Variants in OR51B5 observed in about 807,000 individuals in gnomAD.
OR51B5 encodes the protein olfactory receptor family 51 subfamily B member 5, also known as olfactory receptor 51B5.
For missense variants in OR51B5, 456 were observed against 374.6 expected, an observed-to-expected ratio of 1.22 and a Z score of -1.79; for synonymous variants, 186 against 144.8, an observed-to-expected ratio of 1.28 and a Z score of -2.04.
At chr11:5,403,411 C>T (rs767045003) in intron 1 of OR51B5, 1 of 471,392 alleles carries the variant, frequency 2.1e-6, no homozygotes, top group South Asian at 1.5e-5. Context: ...CGTGTGTCCC[C>T]TCTGCTGCAA....
intron 1 of OR51B5, among the ~76,000 whole-genome samples, chr11:5,462,269 C>A (rs1295728950): frequency 1.3e-5 from 2 of 152,008 alleles, no homozygotes. Flanking sequence ...TGGGCAAGAC[C>A]AACAGAAGGG....
At chr11:5,445,355 G>A (rs1052232847) in intron 1 of OR51B5, among the ~76,000 whole-genome samples, 1 of 152,054 alleles carries the variant, frequency 6.6e-6, no homozygotes, top group African/African-American at 2.4e-5. Context: ...TTCATATGTG[G>A]AATTTAAGTG....
intron 1 of OR51B5, among the ~76,000 whole-genome samples, chr11:5,363,421 T>C (rs2133700130): frequency 6.7e-6 from 1 of 149,756 alleles, no homozygotes; most frequent in Admixed American, 6.7e-5. Context: ...TAATTGTTCC[T>C]TTAAGCCCTT....
At chr11:5,471,573 T>C (rs1004196140) in intron 1 of OR51B5, among the ~76,000 whole-genome samples, 2 of 151,212 alleles carry the variant, frequency 1.3e-5, no homozygotes, top group African/African-American at 2.4e-5. Flanking sequence ...GAAGTGGAGG[T>C]TGCAGTGAGC....
chr11:5,375,126 G>T lies in OR51B5; in HGVS notation n.85-28216C>A, dbSNP rs890488246. Among the ~76,000 whole-genome samples, 4 of 148,862 alleles carry T rather than the reference G, an allele frequency of 2.7e-5. No individual in the cohort carries two copies. In the Admixed American group the frequency reaches 2.7e-4, roughly 10 times the overall value. Reference sequence around the variant, plus strand: ...CAAAGGGAAGCCCATCAGACTAACAGCAGCTCTCTTGGCAGAAACTCTACA... The same window carrying T: ...CAAAGGGAAGCCCATCAGACTAACATCAGCTCTCTTGGCAGAAACTCTACA... On this transcript the variant is annotated intron_variant and non_coding_transcript_variant, in intron 1 of 4. Transcript: ENST00000415970.
chr11:5,452,549 C>T (rs10838131), intron 1 of OR51B5, among the ~76,000 whole-genome samples: 1 of 113,128 alleles, frequency 8.8e-6, no homozygotes, highest in African/African-American at 3.3e-5. Flanking sequence ...AAAAAATCAA[C>T]AGGGACTGTT....
intron 1 of OR51B5, among the ~76,000 whole-genome samples, chr11:5,437,796 G>C (rs1055310458): frequency 4.6e-5 from 7 of 152,076 alleles, no homozygotes; most frequent in African/African-American, 1.7e-4. Flanking sequence ...CCCAACACCT[G>C]AACTTCCCAT....
intron 1 of OR51B5, among the ~76,000 whole-genome samples, chr11:5,360,540 G>T (rs1156767873): frequency 1.3e-5 from 2 of 151,890 alleles, no homozygotes; most frequent in African/African-American, 2.4e-5. Context: ...TACACTGTTG[G>T]TGAGACTGTA....
chr11:5,462,542 T>C (rs907937500), intron 1 of OR51B5, among the ~76,000 whole-genome samples: 6 of 152,348 alleles, frequency 3.9e-5, no homozygotes, highest in Admixed American at 6.5e-5. Context: ...CTTGTGGTTA[T>C]AGTTCAGTTG....
At chr11:5,406,851 A>C (rs1238432998) in intron 1 of OR51B5, among the ~76,000 whole-genome samples, 1 of 152,122 alleles carries the variant, frequency 6.6e-6, no homozygotes, top group Non-Finnish European at 1.5e-5. Flanking sequence ...GTAATAGATG[A>C]GTAAATAAGA....
At chr11:5,456,143 C>T (rs1850955408) in intron 1 of OR51B5, 1 of 152,152 alleles carries the variant, frequency 6.6e-6, no homozygotes, top group Non-Finnish European at 1.5e-5. Context: ...CTCACTGATT[C>T]CTACCTCAGA....
intron 1 of OR51B5, among the ~76,000 whole-genome samples, chr11:5,358,959 A>C (rs1045472307): frequency 1.3e-5 from 2 of 151,394 alleles, no homozygotes; most frequent in South Asian, 2.1e-4. Flanking sequence ...CATGCTAAAA[A>C]CTCTCAATAA....
chr11:5,470,971 T>C (rs1224417297), intron 1 of OR51B5, among the ~76,000 whole-genome samples: 3 of 152,228 alleles, frequency 2.0e-5, no homozygotes, highest in African/African-American at 7.2e-5. Flanking sequence ...ATGGCTTCAC[T>C]TACCTTATGA....
At chr11:5,403,494 G>A (rs1418028639) in intron 1 of OR51B5, 3 of 471,646 alleles carry the variant, frequency 6.4e-6, no homozygotes, top group African/African-American at 4.0e-5. Flanking sequence ...TAAGACCAAG[G>A]AGATCCATGG....
rs188614819 is a variant in OR51B5 at position 5,422,085 on chromosome 11, A to G, written n.85-75175T>C. 343 of 846,942 alleles carry G rather than the reference A, an allele frequency of 4.0e-4. No homozygotes were observed. In the African/African-American group the frequency reaches 5.4e-3, roughly 13 times the overall value. 52.5% of individuals were successfully genotyped at this position (846,942 alleles called of 1,614,324 possible). ...AATCTTGCTTTAGTTACCCTCAACA[A>G]CTCTGAACATTTATTTGTGTAGAAT... On this transcript the variant is annotated intron_variant and non_coding_transcript_variant, in intron 1 of 4. Transcript: ENST00000415970.
Position 5,376,300 on chromosome 11 carries a change from C to T in OR51B5, n.85-29390G>A, listed in dbSNP as rs1318235930. On this transcript the variant is annotated intron_variant and non_coding_transcript_variant, in intron 1 of 4. Transcript: ENST00000415970. The stretch of plus-strand genomic sequence containing the variant: ...ACACAACATACCAGAATCTCTGGGA[C>T]ACATTCGAATCAGTGTGTAGGGGGA... Among the ~76,000 whole-genome samples the T allele has an allele frequency of 2.0e-5, 3 of 152,100 alleles. No homozygotes were observed. In the East Asian group the frequency reaches 5.8e-4, roughly 29 times the overall value.
At chr11:5,461,952 T>C (rs1178804036) in intron 1 of OR51B5, among the ~76,000 whole-genome samples, 1 of 152,202 alleles carries the variant, frequency 6.6e-6, no homozygotes, top group Admixed American at 6.5e-5. Flanking sequence ...GGTCTCTTCA[T>C]GGGAGAAGCT....
intron 1 of OR51B5, among the ~76,000 whole-genome samples, chr11:5,385,999 G>A (rs1465379996): frequency 6.6e-6 from 1 of 151,046 alleles, no homozygotes; most frequent in Non-Finnish European, 1.5e-5. Flanking sequence ...ATGTGTGTGT[G>A]TATTTACACC....
intron 1 of OR51B5, among the ~76,000 whole-genome samples, chr11:5,414,068 A>G (rs7396978): frequency 0.82 from 123,604 of 150,538 alleles, 51,603 homozygotes; most frequent in Non-Finnish European, 0.89. Context: ...AAGCCCATCA[A>G]ACTAACAGCA....
Sources: gnomAD v4.1 joint callset for allele counts (sites outside exome capture counted in the v4.1 genomes callset) on GRCh38, gnomAD v4.1.1 for gene constraint, MANE v1.5 for transcripts, NCBI Gene and HGNC (gene_info 2026-07-23, HGNC 2026-07-21) for gene names.